The following CSMD3 variants were observed in gnomAD, a reference collection of about 807,000 sequenced individuals.
The protein encoded by CSMD3 is CUB and Sushi multiple domains 3, also known as CUB and sushi domain-containing protein 3.
Under a neutral mutation model 435.2 loss-of-function variants are expected in CSMD3, and 177 were observed. The ratio of observed to expected loss-of-function variants is 0.41; its 90% CI spans 0.36 to 0.46. The LOEUF is 0.46. Among genes scored for constraint, CSMD3 ranks in the 20% least tolerant of loss-of-function variants. The probability of loss-of-function intolerance (pLI) is 0.34; values close to 1 mark genes in which losing one functional copy is unlikely to be tolerated. For synonymous variants in CSMD3, 1,656 were observed against 1,520.5 expected, an observed-to-expected ratio of 1.09 and a Z score of -2.07; for missense variants, 4,265 against 4,504.6, an observed-to-expected ratio of 0.95 and a Z score of 1.52.
At chr8:112,538,317 C>T (rs1412722300) in intron 27 of CSMD3, among the ~76,000 whole-genome samples, 2 of 151,996 alleles carry the variant, frequency 1.3e-5, no homozygotes, top group East Asian at 1.9e-4. Context: ...ACTTTTATAA[C>T]TTTTATTCAT....
At chr8:113,117,303 C>A (rs2090859546) in intron 4 of CSMD3, among the ~76,000 whole-genome samples, 1 of 152,146 alleles carries the variant, frequency 6.6e-6, no homozygotes, top group Admixed American at 6.5e-5. Context: ...ACAGCTTGGG[C>A]CATGGCTTCA....
At chr8:112,276,793 T>C (rs1246653476) in intron 59 of CSMD3, among the ~76,000 whole-genome samples, 1 of 152,164 alleles carries the variant, frequency 6.6e-6, no homozygotes, top group Admixed American at 6.5e-5. Flanking sequence ...ACCTCAATTC[T>C]TGACTTCTGT....
At chr8:112,243,785 C>A (rs956280622) in intron 65 of CSMD3, among the ~76,000 whole-genome samples, 39 of 152,042 alleles carry the variant, frequency 2.6e-4, no homozygotes, top group African/African-American at 9.4e-4. Flanking sequence ...ATGTAATTAA[C>A]TAGAGATCTT....
intron 2 of CSMD3, among the ~76,000 whole-genome samples, chr8:113,306,759 C>T (rs150733120): frequency 9.9e-5 from 15 of 152,208 alleles, no homozygotes; most frequent in African/African-American, 3.6e-4. Context: ...GAGAAAAGGT[C>T]TACTTGTTAT....
At chr8:112,692,913 A>C (rs1037822446) in intron 13 of CSMD3, among the ~76,000 whole-genome samples, 4 of 144,494 alleles carry the variant, frequency 2.8e-5, no homozygotes, top group African/African-American at 1.0e-4. Flanking sequence ...ATTAATCTTT[A>C]TATCTATCTA....
intron 9 of CSMD3, among the ~76,000 whole-genome samples, chr8:112,934,825 T>C (rs1587707867): frequency 6.6e-6 from 1 of 152,280 alleles, no homozygotes; most frequent in East Asian, 1.9e-4. Context: ...TCTGTGAATC[T>C]AGATGTATAG....
intron 6 of CSMD3, among the ~76,000 whole-genome samples, chr8:113,006,250 C>T (rs1205196014): frequency 6.6e-6 from 1 of 151,962 alleles, no homozygotes; most frequent in Admixed American, 6.6e-5. Flanking sequence ...CAAACAAGTC[C>T]TTTACTCTTG....
intron 54 of CSMD3, among the ~76,000 whole-genome samples, chr8:112,293,114 G>A (rs1819938395): frequency 6.6e-6 from 1 of 151,994 alleles, no homozygotes; most frequent in African/African-American, 2.4e-5. Flanking sequence ...AAACTAGCCA[G>A]GTGTGGTGAC....
intron 31 of CSMD3, among the ~76,000 whole-genome samples, chr8:112,486,938 T>C (rs1375785508): frequency 1.3e-5 from 2 of 152,152 alleles, no homozygotes; most frequent in Non-Finnish European, 2.9e-5. Flanking sequence ...CTAAAAGGAA[T>C]CAACAAATGA....
At chr8:112,566,068 C>G (rs1399613364) in intron 24 of CSMD3, among the ~76,000 whole-genome samples, 2 of 147,524 alleles carry the variant, frequency 1.4e-5, no homozygotes, top group Admixed American at 6.8e-5. Context: ...CTTACCTGGA[C>G]AGTTTTAAAA....
intron 3 of CSMD3, among the ~76,000 whole-genome samples, chr8:113,214,777 T>A (rs2092881811): frequency 6.6e-6 from 1 of 151,768 alleles, no homozygotes; most frequent in African/African-American, 2.4e-5. Flanking sequence ...TATTAATGTG[T>A]CAAATACAGA....
At chr8:113,280,345 G>T (rs2093604188) in intron 2 of CSMD3, among the ~76,000 whole-genome samples, 1 of 151,810 alleles carries the variant, frequency 6.6e-6, no homozygotes, top group East Asian at 1.9e-4. Context: ...CTTCCTACTT[G>T]TTATTGGTCT....
In CSMD3 at chr8:112,985,060, G is replaced by A. The variant is rs1163709419; in HGVS notation, c.1031-8912C>T. ...GATAATCTTCACCCATGTCTTTCAAGTAAACAGTCTAATAGCTATTTAAAA... is the reference window on the plus strand; with the variant it reads ...GATAATCTTCACCCATGTCTTTCAAATAAACAGTCTAATAGCTATTTAAAA... On this transcript the variant is annotated intron_variant, in intron 6 of 70. Coordinates refer to ENST00000297405, the MANE Select transcript of CSMD3 (RefSeq NM_198123.2). Among the ~76,000 whole-genome samples the A allele has an allele frequency of 3.3e-5, 5 of 150,894 alleles. No individual in the cohort carries two copies. In the East Asian group the frequency reaches 7.8e-4, roughly 24 times the overall value.
At chr8:113,214,111 C>T (rs543563620) in intron 3 of CSMD3, among the ~76,000 whole-genome samples, 1 of 151,974 alleles carries the variant, frequency 6.6e-6, no homozygotes, top group Non-Finnish European at 1.5e-5. Context: ...GGAGAGGCTA[C>T]TACTTCAGTA....
intron 27 of CSMD3, among the ~76,000 whole-genome samples, chr8:112,548,128 T>C (rs1190121417): frequency 6.6e-6 from 1 of 152,150 alleles, no homozygotes; most frequent in Non-Finnish European, 1.5e-5. Context: ...AATTTCTTAT[T>C]TCAAATTCCA....
chr8:112,357,755 C>T (rs545998205), intron 38 of CSMD3, among the ~76,000 whole-genome samples: 2 of 152,254 alleles, frequency 1.3e-5, no homozygotes, highest in Non-Finnish European at 2.9e-5. Flanking sequence ...GGAACCTCTG[C>T]CTAGATTTCA....
intron 6 of CSMD3, among the ~76,000 whole-genome samples, chr8:112,987,799 T>C (rs2085309245): frequency 6.6e-6 from 1 of 152,078 alleles, no homozygotes; most frequent in Non-Finnish European, 1.5e-5. Flanking sequence ...CAGGTCCTCC[T>C]GTAATTCCCT....
chr8:113,408,503 A>G (rs1489688798), intron 1 of CSMD3, among the ~76,000 whole-genome samples: 2 of 152,186 alleles, frequency 1.3e-5, no homozygotes, highest in African/African-American at 2.4e-5. Context: ...ATTCTAAACA[A>G]GTGGAGCTCG....
chr8:113,070,254 C>T (rs1250427078), intron 5 of CSMD3, among the ~76,000 whole-genome samples: 2 of 151,956 alleles, frequency 1.3e-5, no homozygotes, highest in Admixed American at 1.3e-4. Context: ...CAGGCCATAA[C>T]TCTTTCATAT....
Sources: allele counts gnomAD v4.1 joint callset (sites outside exome capture counted in the v4.1 genomes callset), GRCh38; gene constraint gnomAD v4.1.1; transcripts MANE v1.5; gene names NCBI Gene and HGNC (gene_info 2026-07-23, HGNC 2026-07-21).